PKP4: variants seen among roughly 807,000 people sequenced by gnomAD.
The protein encoded by PKP4 is plakophilin 4, also known as plakophilin-4.
Under a neutral mutation model 145.1 loss-of-function variants are expected in PKP4, and 90 were observed. That is an observed-to-expected ratio of 0.62 (90% CI 0.52 to 0.74). The LOEUF is 0.74. Among genes scored for constraint, PKP4 ranks in the 30% least tolerant of loss-of-function variants. The pLI is 0.00. For synonymous variants in PKP4, 563 were observed against 577.2 expected (o/e 0.98, Z 0.35); for missense variants, 1,340 against 1,482.7 (o/e 0.90, Z 1.58).
chr2:158,516,079 G>A (rs1398456048), intron 1 of PKP4, among the ~76,000 whole-genome samples: 6 of 148,334 alleles, frequency 4.0e-5, no homozygotes, highest in Non-Finnish European at 1.5e-5. Flanking sequence ...AGGGTCTCTG[G>A]TTAATAAATG....
intron 2 of PKP4, among the ~76,000 whole-genome samples, chr2:158,558,569 T>C (rs1210892676): frequency 6.6e-6 from 1 of 151,992 alleles, no homozygotes; most frequent in South Asian, 2.1e-4. Context: ...AAATGGTTAG[T>C]AACCTTGGAG....
At chr2:158,645,788 TC>T (rs1186074014) in intron 11 of PKP4, among the ~76,000 whole-genome samples, 6 of 152,226 alleles carry the variant, frequency 3.9e-5, no homozygotes, top group Admixed American at 1.3e-4. Context: ...ACAGTGCCTT[TC>T]CTGAGCTGAG....
At chr2:158,505,673 G>A (rs1167614970) in intron 1 of PKP4, among the ~76,000 whole-genome samples, 1 of 152,106 alleles carries the variant, frequency 6.6e-6, no homozygotes, top group Admixed American at 6.6e-5. Context: ...GGGTTTTGGA[G>A]TGGCAGGGAA....
At chr2:158,513,793 G>T (rs147113217) in intron 1 of PKP4, among the ~76,000 whole-genome samples, 21 of 152,168 alleles carry the variant, frequency 1.4e-4, no homozygotes, top group Admixed American at 3.3e-4. Flanking sequence ...ACTTACTATT[G>T]TTCCTTCGTC....
chr2:158,552,070 G>A (rs561146691), intron 2 of PKP4, among the ~76,000 whole-genome samples: 10 of 152,318 alleles, frequency 6.6e-5, no homozygotes, highest in Non-Finnish European at 8.8e-5. Flanking sequence ...GGATTATCCA[G>A]GTGAGTTCTA....
At chr2:158,461,642 C>T (rs1290139618) in intron 1 of PKP4, among the ~76,000 whole-genome samples, 1 of 151,384 alleles carries the variant, frequency 6.6e-6, no homozygotes, top group Non-Finnish European at 1.5e-5. Context: ...TCACAAAATC[C>T]AGAACTCACA....
At chr2:158,533,498 C>G in intron 2 of PKP4, 182 bp downstream of exon 2, 1 of 709,112 alleles carries the variant, frequency 1.4e-6, no homozygotes, top group Non-Finnish European at 2.6e-6. Flanking sequence ...AGGTGCCAGT[C>G]AGAATCGGAA....
chr2:158,524,440 T>A (rs2042748097), intron 1 of PKP4, among the ~76,000 whole-genome samples: 2 of 119,808 alleles, frequency 1.7e-5, no homozygotes, highest in South Asian at 3.3e-4. Context: ...GCTGAGAGAT[T>A]TTGTCACCAC....
In PKP4 at chr2:158,621,014, A is replaced by T; in HGVS notation, c.305A>T (p.Lys102Ile). 1 of 1,614,142 alleles carries T rather than the reference A, an allele frequency of 6.2e-7. No homozygotes were observed. The highest frequency in any genetic ancestry group is 8.5e-7 in the Non-Finnish European group (1 of 1,179,986). ...GACGTGCCAAATACTGGTGTAAGCA[A>T]ACCTAGAGTTTCTGACGCTGTCCAG... is the stretch of plus-strand genomic sequence containing the variant. ...STDVPNTGVS[K>I]PRVSDAVQPN... Residue 102 changes from lysine (K) to isoleucine (I), a missense_variant, in exon 5 of 22, where the codon AAA becomes ATA. Lys to Ile is a moderately radical substitution (Grantham distance 102). Coordinates refer to ENST00000389759, the MANE Select transcript of PKP4 (RefSeq NM_003628.6).
chr2:158,467,322 C>A (rs1243038625), intron 1 of PKP4, among the ~76,000 whole-genome samples: 2 of 152,166 alleles, frequency 1.3e-5, no homozygotes, highest in Non-Finnish European at 2.9e-5. Context: ...TCCATCACCA[C>A]AACGCTCATC....
chr2:158,628,350 A>G lies in PKP4; in HGVS notation c.1153+2923A>G, dbSNP rs149043448. Among the ~76,000 whole-genome samples, 732 of 152,346 alleles carry G rather than the reference A, an allele frequency of 4.8e-3. 2 individuals are homozygous for G. The highest frequency in any genetic ancestry group is 0.016 in the African/African-American group (668 of 41,566). ...ATTCCAGTTTCAATAATAGTAAATTATAGTGAGCTGTCTACACATATTCAT... is the reference window on the plus strand; with the variant it reads ...ATTCCAGTTTCAATAATAGTAAATTGTAGTGAGCTGTCTACACATATTCAT... On this transcript the variant is annotated intron_variant, in intron 7 of 21. Coordinates refer to ENST00000389759, the MANE Select transcript of PKP4 (RefSeq NM_003628.6).
chr2:158,620,939 G>A, intron 4 of PKP4, 51 bp from the exon 5 acceptor site: 1 of 1,540,976 alleles, frequency 6.5e-7, no homozygotes, highest in South Asian at 1.1e-5. Flanking sequence ...TTTTTAGCAA[G>A]TTTTTATGTA....
chr2:158,588,079 A>C lies in PKP4; in HGVS notation c.245+10696A>C, dbSNP rs887787600. 5.3e-5 allele frequency: 8 copies of C among 152,274 alleles called. No homozygotes were observed. The East Asian group carries it at 1.3e-3, about 26-fold the overall frequency. 9.4% of individuals were successfully genotyped at this position (152,274 alleles called of 1,614,324 possible). On this transcript the variant is annotated intron_variant, in intron 3 of 21. Coordinates refer to ENST00000389759, the MANE Select transcript of PKP4 (RefSeq NM_003628.6). ...TTATATCATAGACATTAAACTGTTT[A>C]GCCATTCCATTGTTGAAGTTTTACA...
chr2:158,558,346 A>G (rs2046260925), intron 2 of PKP4, among the ~76,000 whole-genome samples: 1 of 152,180 alleles, frequency 6.6e-6, no homozygotes, highest in Non-Finnish European at 1.5e-5. Context: ...TGGAAAAAGC[A>G]GTATTTACAA....
chr2:158,496,464 A>AGTG (rs996229502), intron 1 of PKP4, among the ~76,000 whole-genome samples: 8 of 152,166 alleles, frequency 5.3e-5, no homozygotes, highest in African/African-American at 9.7e-5. Context: ...AAAAATCAAA[A>AGTG]GTGGTGGTAG....
intron 3 of PKP4, among the ~76,000 whole-genome samples, chr2:158,588,466 T>A (rs1198638922): frequency 2.0e-5 from 3 of 152,212 alleles, no homozygotes; most frequent in Admixed American, 1.3e-4. Flanking sequence ...ATGGTCCATT[T>A]GAGTGTCCTC....
chr2:158,673,511 G>A (rs938247755), intron 17 of PKP4, among the ~76,000 whole-genome samples, 166 bp from the exon 18 acceptor site: 4 of 152,190 alleles, frequency 2.6e-5, no homozygotes, highest in Non-Finnish European at 4.4e-5. Context: ...GAACCTGATC[G>A]ACTCCCAGGC....
intron 1 of PKP4, among the ~76,000 whole-genome samples, chr2:158,511,893 A>AAAAAATGC (rs1328477610): frequency 6.6e-6 from 1 of 152,176 alleles, no homozygotes; most frequent in East Asian, 1.9e-4. Flanking sequence ...TTTAAGAAAA[A>AAAAAATGC]AAAAATGCTG....
intron 2 of PKP4, among the ~76,000 whole-genome samples, chr2:158,547,210 C>G (rs1385044237): frequency 6.6e-6 from 1 of 152,176 alleles, no homozygotes; most frequent in Non-Finnish European, 1.5e-5. Flanking sequence ...TATGTCCACA[C>G]AAAAACTTGT....
Sources: allele counts gnomAD v4.1 joint callset (sites outside exome capture counted in the v4.1 genomes callset), GRCh38; gene constraint gnomAD v4.1.1; transcripts MANE v1.5; gene names NCBI Gene and HGNC (gene_info 2026-07-23, HGNC 2026-07-21).